ANTXR1: variants seen among roughly 807,000 people sequenced by gnomAD.
ANTXR1 encodes anthrax toxin receptor 1.
A neutral mutation model predicts 78.1 loss-of-function variants in ANTXR1; 19 were observed. That is an observed-to-expected ratio of 0.24 (90% confidence interval 0.17 to 0.36). ANTXR1 has a LOEUF of 0.36. Ranked by LOEUF, ANTXR1 falls within the 10% of genes least tolerant of loss-of-function variation. The pLI, the probability that ANTXR1 is intolerant of heterozygous loss-of-function variation, is 1.00. For missense variants in ANTXR1, 518 were observed against 718.6 expected (o/e 0.72, Z 3.19); for synonymous variants, 273 against 260.5 (o/e 1.05, Z -0.46).
At chr2:69,144,514 G>A (rs773578140) in intron 12 of ANTXR1, among the ~76,000 whole-genome samples, 13 of 152,158 alleles carry the variant, frequency 8.5e-5, no homozygotes, top group South Asian at 4.1e-4. Flanking sequence ...AGTGGATGGC[G>A]GGCCTCTGGG....
intron 17 of ANTXR1, among the ~76,000 whole-genome samples, chr2:69,242,084 C>G (rs535947436): frequency 6.6e-6 from 1 of 152,206 alleles, no homozygotes; most frequent in East Asian, 1.9e-4. Flanking sequence ...CTATAATGAA[C>G]CACAGCACAA....
chr2:69,149,475 C>T (rs1416027503), intron 12 of ANTXR1, among the ~76,000 whole-genome samples: 1 of 152,224 alleles, frequency 6.6e-6, no homozygotes, highest in East Asian at 1.9e-4. Context: ...CAAAATATAT[C>T]AGCCCTTCTG....
At chr2:69,172,313 G>A in intron 14 of ANTXR1, 1 of 1,462,078 alleles carries the variant, frequency 6.8e-7, no homozygotes, top group Non-Finnish European at 9.6e-7. Flanking sequence ...CTTAGCGTGT[G>A]TGTTGGCCCT....
At chr2:69,047,158 TG>T (rs1669793268) in intron 3 of ANTXR1, among the ~76,000 whole-genome samples, 1 of 152,156 alleles carries the variant, frequency 6.6e-6, no homozygotes, top group South Asian at 2.1e-4. Flanking sequence ...CTTGAGTGCA[TG>T]GATTTGGTAT....
At chr2:69,040,851 C>G (rs1025001618) in intron 2 of ANTXR1, among the ~76,000 whole-genome samples, 59 of 152,194 alleles carry the variant, frequency 3.9e-4, no homozygotes, top group African/African-American at 1.2e-3. Context: ...AGTTCTAACA[C>G]AGCTCCACTT....
intron 14 of ANTXR1, among the ~76,000 whole-genome samples, chr2:69,174,231 T>C (rs1341859722): frequency 6.6e-6 from 1 of 152,204 alleles, no homozygotes; most frequent in East Asian, 1.9e-4. Flanking sequence ...GGTATGTAAG[T>C]AGCCCCAATG....
At chr2:69,101,809 G>A (rs377737151) in intron 9 of ANTXR1, among the ~76,000 whole-genome samples, 134 of 152,068 alleles carry the variant, frequency 8.8e-4, no homozygotes, top group Middle Eastern at 3.4e-3. Flanking sequence ...GCATTATCCC[G>A]AGCCCCAATT....
At chr2:69,052,566 T>A (rs1014179311) in intron 3 of ANTXR1, among the ~76,000 whole-genome samples, 2 of 152,102 alleles carry the variant, frequency 1.3e-5, no homozygotes, top group Non-Finnish European at 2.9e-5. Context: ...CATATTTTTT[T>A]AAATATCAAC....
At chr2:69,072,985 C>A in intron 5 of ANTXR1, 37 bp from the exon 6 acceptor site, 1 of 1,594,454 alleles carries the variant, frequency 6.3e-7, no homozygotes, top group Non-Finnish European at 8.6e-7. Flanking sequence ...TTGGGTGGAG[C>A]AGGGTGGACT....
At chr2:69,134,489 A>T (rs77219569) in intron 12 of ANTXR1, among the ~76,000 whole-genome samples, 1 of 152,304 alleles carries the variant, frequency 6.6e-6, no homozygotes, top group South Asian at 2.1e-4. Context: ...AGTCAAGCAC[A>T]GGCAGCAGGA....
chr2:69,200,098 C>T (rs1001105502), intron 17 of ANTXR1, among the ~76,000 whole-genome samples: 2 of 152,212 alleles, frequency 1.3e-5, no homozygotes, highest in African/African-American at 4.8e-5. Context: ...CCAAATCGAA[C>T]TCCATCCCAC....
At chr2:69,029,260 G>A (rs1671452195) in intron 1 of ANTXR1, among the ~76,000 whole-genome samples, 1 of 150,386 alleles carries the variant, frequency 6.6e-6, no homozygotes, top group Non-Finnish European at 1.5e-5. Context: ...AAAGAGAAAA[G>A]TAGGTCAAAG....
intron 3 of ANTXR1, among the ~76,000 whole-genome samples, chr2:69,047,865 G>T (rs1669818538): frequency 6.6e-6 from 1 of 152,034 alleles, no homozygotes; most frequent in East Asian, 1.9e-4. Context: ...AACCTGCCGA[G>T]GTCAGATAGC....
intron 14 of ANTXR1, among the ~76,000 whole-genome samples, chr2:69,173,403 C>T (rs1674041428): frequency 6.6e-6 from 1 of 152,206 alleles, no homozygotes; most frequent in African/African-American, 2.4e-5. Flanking sequence ...TGGTCCAGCT[C>T]ATCTTTTCAC....
rs1364299561 is a variant in ANTXR1 at position 69,245,493 on chromosome 2, A to G, written c.*8A>G. 1.2e-6 allele frequency: 2 copies of G among 1,613,282 alleles called. No homozygotes were observed. The highest frequency in any genetic ancestry group is 1.1e-5 in the South Asian group (1 of 90,992). ...CCAAGGCCTTCTGTCTAGAGCCCAA[A>G]GTTCCTGCTCTGGGCTCTCTCAGAA... On this transcript the variant is annotated 3_prime_UTR_variant, in exon 18 of 18. Transcript: ENST00000303714.
intron 9 of ANTXR1, among the ~76,000 whole-genome samples, chr2:69,093,875 A>G (rs576266243): frequency 1.6e-4 from 24 of 152,222 alleles, no homozygotes; most frequent in Non-Finnish European, 2.9e-4. Context: ...TTTCTTATAG[A>G]GAAAAAATTA....
chr2:69,020,732 A>G (rs917792482), intron 1 of ANTXR1, among the ~76,000 whole-genome samples: 2 of 152,200 alleles, frequency 1.3e-5, no homozygotes, highest in African/African-American at 4.8e-5. Flanking sequence ...ATAAAAGACA[A>G]AGAGAATATT....
At chr2:69,041,585 C>T (rs1023434293) in intron 2 of ANTXR1, among the ~76,000 whole-genome samples, 27 of 152,160 alleles carry the variant, frequency 1.8e-4, no homozygotes, top group Admixed American at 6.5e-4. Context: ...AGCAATTCAC[C>T]AACCTTGGCT....
intron 1 of ANTXR1, 91 bp from the exon 2 acceptor site, chr2:69,039,953 A>T (rs1669565147): frequency 9.1e-7 from 1 of 1,098,054 alleles, no homozygotes; most frequent in African/African-American, 1.6e-5. Context: ...TGGAGAGGTC[A>T]AATGTAAAAT....
Sources: gnomAD v4.1 joint callset for allele counts (sites outside exome capture counted in the v4.1 genomes callset) on GRCh38, gnomAD v4.1.1 for gene constraint, MANE v1.5 for transcripts, NCBI Gene and HGNC (gene_info 2026-07-23, HGNC 2026-07-21) for gene names.